GOLGA6D: variants seen among roughly 807,000 people sequenced by gnomAD.
GOLGA6D encodes golgin A6 family member D.
GOLGA6D carries 9 observed loss-of-function variants against 42.1 expected under a neutral mutation model. The observed-to-expected ratio is 0.21, with a 90% CI of 0.13 to 0.37. The LOEUF (loss-of-function observed/expected upper bound fraction) is 0.37, where lower values mean the gene tolerates loss of function less well. Ranked by LOEUF, GOLGA6D falls within the 10% of genes least tolerant of loss-of-function variation. GOLGA6D has a pLI of 1.00. For synonymous variants in GOLGA6D, 39 were observed against 167.3 expected (o/e 0.23, Z 5.92); for missense variants, 87 against 420.8 (o/e 0.21, Z 6.94).
chr15:75,277,865 G>T (rs1190735155), upstream of GOLGA6D, among the ~76,000 whole-genome samples: 1 of 150,844 alleles, frequency 6.6e-6, no homozygotes, highest in African/African-American at 2.5e-5. Context: ...CATAAAAAAA[G>T]AAAAAGGTCG....
intron 7 of GOLGA6D, 56 bp from the exon 8 acceptor site, chr15:75,289,341 T>C: frequency 6.6e-7 from 1 of 1,520,390 alleles, no homozygotes; most frequent in Non-Finnish European, 8.9e-7. Flanking sequence ...CCTAGCCCTT[T>C]TAAGGGGCAC....
intron 7 of GOLGA6D, among the ~76,000 whole-genome samples, 181 bp downstream of exon 7, chr15:75,288,545 TG>T (rs2070864100): frequency 7.1e-6 from 1 of 140,274 alleles, no homozygotes. Context: ...GTGGGTGAGT[TG>T]GGGGGCACTG....
At position 75,294,336 on chromosome 15, in the gene GOLGA6D, C is replaced by T. The variant is rs569427610; in HGVS notation, c.1955-12C>T. ...GCACTGTGCTCAGACCCCCGCCTCC[C>T]TCTCTCCGAAGTTTTTTATGAAGTG... On this transcript the variant is annotated splice_polypyrimidine_tract_variant and intron_variant, in intron 17 of 17. Coordinates refer to ENST00000434739, the MANE Select transcript of GOLGA6D (RefSeq NM_001145224.3). The T allele has an allele frequency of 8.1e-5, 129 of 1,591,184 alleles. 16 individuals carry two copies. The African/African-American group carries it at 1.6e-3, about 20-fold the overall frequency.
At chr15:75,278,751 C>G (rs866121305), upstream of GOLGA6D, among the ~76,000 whole-genome samples, 383 of 150,920 alleles carry the variant, frequency 2.5e-3, no homozygotes, top group Non-Finnish European at 3.5e-3. Flanking sequence ...GAGAGATTCC[C>G]TGGTCCAGTC....
In GOLGA6D at chr15:75,294,404, G is replaced by T; in HGVS notation, c.2011G>T (p.Glu671Ter). ...NVEPAPGVAREGSPHNNPTVQ... is the reference protein window; with the variant it reads ...NVEPAPGVAR ...GGAGCCTGCACCAGGAGTGGCCAGG[G>T]AGGGTTCTCCCCATAACAACCCCAC... The change falls in exon 18 of 18, where the codon GAG (glutamate) becomes TAG (stop). Residue 671 changes from glutamate to a stop codon, truncating the protein, a stop_gained. Coordinates refer to ENST00000434739, the MANE Select transcript of GOLGA6D (RefSeq NM_001145224.3). LOFTEE classifies it low-confidence loss of function (END_TRUNC). 1 of 1,600,278 alleles carries T rather than the reference G, an allele frequency of 6.2e-7. No homozygotes were observed. Among genetic ancestry groups the T allele is most frequent in the Non-Finnish European group, 8.5e-7 (1 of 1,177,224 alleles).
upstream of GOLGA6D, among the ~76,000 whole-genome samples, chr15:75,278,138 C>T (rs1450455344): frequency 1.1e-5 from 1 of 93,654 alleles, no homozygotes; most frequent in Non-Finnish European, 1.9e-5. Context: ...ATATACCCCC[C>T]ACCACAGTAT....
chr15:75,290,579 AG>A lies in GOLGA6D; in HGVS notation c.1048del (p.Glu350ArgfsTer103). 1 of 264,142 alleles carries A rather than the reference AG, an allele frequency of 3.8e-6. No individual in the cohort carries two copies. Among genetic ancestry groups the A allele is most frequent in the Non-Finnish European group, 6.0e-6 (1 of 167,178 alleles). 16.4% of individuals were successfully genotyped at this position (264,142 alleles called of 1,614,324 possible). On this transcript the variant is annotated frameshift_variant, in exon 11 of 18. Transcript: ENST00000434739. LOFTEE classifies it high-confidence loss of function. The stretch of plus-strand genomic sequence containing the variant: ...GAGCAGGAGGAGATGCTCCGAGAGC[AG>A]GAGGCGCAGAGAGTGCGGGAGCAGG... ...LQEQEEMLREQEAQRVREQER... is the reference protein window; with the variant it reads ...LQEQEEMLREXEAQRVREQER...
Position 75,289,070 on chromosome 15 carries a change from C to T in GOLGA6D, c.565-327C>T, listed in dbSNP as rs368807297. 1.2e-4 allele frequency among the ~76,000 whole-genome samples: 15 copies of T among 126,852 alleles called. No homozygotes were observed. In the East Asian group the frequency reaches 1.3e-3, roughly 11 times the overall value. 83.2% of individuals were successfully genotyped at this position (126,852 alleles called of 152,430 possible). On this transcript the variant is annotated intron_variant, in intron 7 of 17. Transcript: ENST00000434739. ...ACACAATAGAGGTAATCCTAGTAACCGTCTCATATGGTGGTTGTGAGGATT... is the reference window on the plus strand; with the variant it reads ...ACACAATAGAGGTAATCCTAGTAACTGTCTCATATGGTGGTTGTGAGGATT...
the GOLGA6D span, among the ~76,000 whole-genome samples, chr15:75,277,829 G>A: frequency 5.3e-5 from 8 of 151,836 alleles, no homozygotes; most frequent in South Asian, 1.0e-3. Context: ...ACTGTTTTGG[G>A]GTTTTCTGGG....
chr15:75,288,696 C>A (rs1195745000), intron 7 of GOLGA6D, among the ~76,000 whole-genome samples: 1 of 122,926 alleles, frequency 8.1e-6, no homozygotes, highest in African/African-American at 3.2e-5. Flanking sequence ...TAGTATGTTA[C>A]CATTTCTGTA....
In GOLGA6D at chr15:75,295,104, GA is replaced by G. The variant is rs2070900229; in HGVS notation, c.*632del. The stretch of plus-strand genomic sequence containing the variant: ...AGAGTTGTTTAAAGGCCAAGAACTG[GA>G]AACAGCCTTTTCCCTATTTTCTGTG... On this transcript the variant is annotated 3_prime_UTR_variant, in exon 18 of 18. Coordinates refer to ENST00000434739, the MANE Select transcript of GOLGA6D (RefSeq NM_001145224.3). The G allele has an allele frequency of 1.3e-5, 1 of 77,788 alleles. No individual in the cohort carries two copies. The highest frequency in any genetic ancestry group is 2.4e-5 in the Non-Finnish European group (1 of 42,508). The allele number at this position is 77,788 out of a possible 1,614,324, so 4.8% of individuals were successfully genotyped here.
upstream of GOLGA6D, among the ~76,000 whole-genome samples, chr15:75,278,823 G>T (rs1319719794): frequency 5.3e-5 from 8 of 151,790 alleles, no homozygotes; most frequent in African/African-American, 1.9e-4. Context: ...TCAGACACAT[G>T]CTCATACTTA....
chr15:75,288,717 AGG>A (rs1473995878), intron 7 of GOLGA6D, among the ~76,000 whole-genome samples: 1 of 93,864 alleles, frequency 1.1e-5, no homozygotes, highest in Admixed American at 1.2e-4. Context: ...GAGAGAGGAA[AGG>A]GGTGTGTGTG....
intron 7 of GOLGA6D, 50 bp from the exon 8 acceptor site, chr15:75,289,347 G>A: frequency 6.5e-7 from 1 of 1,531,884 alleles, no homozygotes. Context: ...CCTTTTAAGG[G>A]GCACTGCCCG....
chr15:75,280,696 T>TA (rs2070841131), upstream of GOLGA6D, among the ~76,000 whole-genome samples: 2 of 68,596 alleles, frequency 2.9e-5, no homozygotes, highest in Non-Finnish European at 5.3e-5. Flanking sequence ...GTGATATTGG[T>TA]ATCTGTTTAT....
At chr15:75,281,207 G>T (rs1463016247), upstream of GOLGA6D, among the ~76,000 whole-genome samples, 1 of 139,518 alleles carries the variant, frequency 7.2e-6, no homozygotes, top group Non-Finnish European at 1.5e-5. Flanking sequence ...CTGAATCTCT[G>T]ATTGCCGTTT....
At chr15:75,288,529 G>C (rs1334366814) in intron 7 of GOLGA6D, among the ~76,000 whole-genome samples, 165 bp downstream of exon 7, 1 of 140,712 alleles carries the variant, frequency 7.1e-6, no homozygotes, top group East Asian at 2.1e-4. Flanking sequence ...GGCTAAGTCA[G>C]CTGCTGTGGG....
chr15:75,289,723 C>T lies in GOLGA6D; in HGVS notation c.759+24C>T. On this transcript the variant is annotated intron_variant, in intron 9 of 17. Coordinates refer to ENST00000434739, the MANE Select transcript of GOLGA6D (RefSeq NM_001145224.3). The stretch of plus-strand genomic sequence containing the variant: ...AGGTGAGGTCTGACCCTTCAGCCCC[C>T]ACTTTAGATAGGTCACTGGATCTTT... 7.5e-6 allele frequency: 3 copies of T among 402,094 alleles called. No homozygotes were observed. The Admixed American group carries it at 1.7e-4, about 23-fold the overall frequency. 24.9% of individuals were successfully genotyped at this position (402,094 alleles called of 1,614,324 possible).
In GOLGA6D at chr15:75,288,308, CAAG is replaced by C. The variant is rs958399988; in HGVS notation, c.511_513del (p.Glu171del). The C allele has an allele frequency of 1.3e-6, 2 of 1,573,392 alleles. No homozygotes were observed. The highest frequency in any genetic ancestry group is 3.0e-5 in the African/African-American group (2 of 66,696). On this transcript the variant is annotated inframe_deletion, in exon 7 of 18. Transcript: ENST00000434739. The stretch of plus-strand genomic sequence containing the variant: ...CCTGCAATACTCCTTACAGCATATT[CAAG>C]AATTGGAGCGGGCTCTCTGTGCTGT...
Sources: gnomAD v4.1 joint callset for allele counts (sites outside exome capture counted in the v4.1 genomes callset) on GRCh38, gnomAD v4.1.1 for gene constraint, MANE v1.5 for transcripts, NCBI Gene and HGNC (gene_info 2026-07-23, HGNC 2026-07-21) for gene names.